Variants in RASSF9 observed in about 807,000 individuals in gnomAD.
RASSF9 encodes the protein Ras association domain family member 9.
RASSF9 carries 18 observed loss-of-function variants against 21.4 expected under a neutral mutation model. The observed-to-expected ratio is 0.84, with a 90% confidence interval of 0.58 to 1.25. The LOEUF is 1.25. Among genes scored for constraint, RASSF9 ranks in the 50% most tolerant of loss-of-function variants. The pLI is 0.00. For missense variants in RASSF9, 480 were observed against 503.2 expected (o/e 0.95, Z 0.44); for synonymous variants, 183 against 179.1 (o/e 1.02, Z -0.18).
intron 1 of RASSF9, among the ~76,000 whole-genome samples, chr12:85,832,245 A>C (rs1328855495): frequency 2.6e-5 from 4 of 151,860 alleles, no homozygotes; most frequent in East Asian, 3.8e-4. Flanking sequence ...AACTATTCTA[A>C]TTTCCTATTT....
chr12:85,825,216 T>C (rs1161004997), intron 1 of RASSF9, among the ~76,000 whole-genome samples: 1 of 152,214 alleles, frequency 6.6e-6, no homozygotes, highest in Non-Finnish European at 1.5e-5. Context: ...TTGATACTTC[T>C]ACAAAATCTA....
At position 85,805,666 on chromosome 12, in the gene RASSF9, AC is replaced by A. The variant is rs1879812492; in HGVS notation, c.343del (p.Val115LeufsTer19). On this transcript the variant is annotated frameshift_variant, in exon 2 of 2. Coordinates refer to ENST00000361228, the MANE Select transcript of RASSF9 (RefSeq NM_005447.4). LOFTEE classifies it high-confidence loss of function. Reference sequence around the variant, plus strand: ...AACTGGAAGAAAAGCATCTGCTTTAACCAAAACAAATTGCATATTGGGCTGC... The same window carrying A: ...AACTGGAAGAAAAGCATCTGCTTTAACAAAACAAATTGCATATTGGGCTGC... ...DEQPNMQFVL[V>X]KADAFLPVPL... 4 of 1,613,900 alleles carry A rather than the reference AC, an allele frequency of 2.5e-6. No homozygotes were observed. The highest frequency in any genetic ancestry group is 3.4e-6 in the Non-Finnish European group (4 of 1,179,902).
At chr12:85,833,958 CATT>C (rs1880507376) in intron 1 of RASSF9, among the ~76,000 whole-genome samples, 2 of 151,940 alleles carry the variant, frequency 1.3e-5, no homozygotes, top group African/African-American at 4.8e-5. Context: ...TTATTCAAAT[CATT>C]ATGGAAACTG....
intron 1 of RASSF9, among the ~76,000 whole-genome samples, chr12:85,806,316 C>T (rs1278205209): frequency 3.3e-5 from 5 of 150,750 alleles, no homozygotes; most frequent in African/African-American, 1.2e-4. Flanking sequence ...TCCCAAAGTG[C>T]TGGGATTACA....
intron 1 of RASSF9, among the ~76,000 whole-genome samples, chr12:85,828,878 G>A (rs1455911315): frequency 6.6e-6 from 1 of 152,102 alleles, no homozygotes; most frequent in Non-Finnish European, 1.5e-5. Context: ...ATATGAGAAG[G>A]TAGTTATTAC....
intron 1 of RASSF9, among the ~76,000 whole-genome samples, chr12:85,812,481 AT>A (rs1879974627): frequency 6.6e-6 from 1 of 151,142 alleles, no homozygotes; most frequent in Non-Finnish European, 1.5e-5. Flanking sequence ...GATGAGATTC[AT>A]TTGTAAATAT....
rs1879758357 is a variant in RASSF9 at position 85,804,044 on chromosome 12, T to C, written c.*658A>G. On this transcript the variant is annotated 3_prime_UTR_variant, in exon 2 of 2. Coordinates refer to ENST00000361228, the MANE Select transcript of RASSF9 (RefSeq NM_005447.4). ...CTCTTAATAAATTGAGGCTTCTTTA[T>C]AAAAATTGCTGTTTGTATGCAGCAC... is the stretch of plus-strand genomic sequence containing the variant. 6.6e-6 allele frequency: 1 copy of C among 152,228 alleles called. No homozygotes were observed. Among genetic ancestry groups the C allele is most frequent in the African/African-American group, 2.4e-5 (1 of 41,464 alleles). 9.4% of individuals were successfully genotyped at this position (152,228 alleles called of 1,614,324 possible).
At chr12:85,821,618 T>C (rs1880212520) in intron 1 of RASSF9, among the ~76,000 whole-genome samples, 1 of 152,168 alleles carries the variant, frequency 6.6e-6, no homozygotes, top group Non-Finnish European at 1.5e-5. Context: ...GAAAAAATTA[T>C]CTTGAAAATT....
At chr12:85,823,769 C>G (rs893825260) in intron 1 of RASSF9, among the ~76,000 whole-genome samples, 3 of 152,164 alleles carry the variant, frequency 2.0e-5, no homozygotes, top group Non-Finnish European at 2.9e-5. Flanking sequence ...CCATCGAAAT[C>G]AAGTTGCTCT....
In RASSF9 at chr12:85,805,821, C is replaced by T. The variant is rs374945809; in HGVS notation, c.189G>A (p.Thr63=). ...CCAGAAGAAATCGTTTCTCTCCAAACGTAGCCTCATGTTCCTCAAGCAAAG... is the reference window on the plus strand; with the variant it reads ...CCAGAAGAAATCGTTTCTCTCCAAATGTAGCCTCATGTTCCTCAAGCAAAG... The part of the protein sequence containing the change: ...IQALLEEHEA[T]FGEKRFLLGK... Residue 63 remains threonine, a synonymous_variant, in exon 2 of 2, where the codon ACG becomes ACA. Coordinates refer to ENST00000361228, the MANE Select transcript of RASSF9 (RefSeq NM_005447.4). 4.5e-5 allele frequency: 73 copies of T among 1,613,932 alleles called. No homozygotes were observed. The highest frequency in any genetic ancestry group is 6.0e-5 in the Non-Finnish European group (71 of 1,179,888).
At chr12:85,806,187 C>T (rs573498962) in intron 1 of RASSF9, among the ~76,000 whole-genome samples, 1 of 151,568 alleles carries the variant, frequency 6.6e-6, no homozygotes, top group South Asian at 2.1e-4. Context: ...GCTGGGACTA[C>T]AGGCACCTGC....
rs756971035 is a variant in RASSF9, at chr12:85,805,057, A to G, written c.953T>C (p.Val318Ala). 88 of 1,613,994 alleles carry G rather than the reference A, an allele frequency of 5.5e-5. No individual in the cohort carries two copies. Among genetic ancestry groups the G allele is most frequent in the Middle Eastern group, 1.6e-4 (1 of 6,062 alleles). ...SELESSNLES[V>A]KCDLEKSMKA... ...CATGCTTTTCTCCAAATCACACTTA[A>G]CACTCTCTAAATTAGAGCTTTCCAG... Residue 318 changes from valine (V) to alanine (A), a missense_variant, in exon 2 of 2, where the codon GTT (valine) becomes GCT (alanine). Transcript: ENST00000361228.
intron 1 of RASSF9, among the ~76,000 whole-genome samples, chr12:85,821,585 G>A (rs1428828727): frequency 6.6e-6 from 1 of 152,004 alleles, no homozygotes; most frequent in Non-Finnish European, 1.5e-5. Context: ...ACCTAGGACA[G>A]TCATCACTTA....
chr12:85,829,448 T>G (rs1195243990), intron 1 of RASSF9, among the ~76,000 whole-genome samples: 1 of 152,174 alleles, frequency 6.6e-6, no homozygotes, highest in Non-Finnish European at 1.5e-5. Context: ...AAAATTATTT[T>G]AAATACTTCC....
chr12:85,833,723 A>G (rs1880502497), intron 1 of RASSF9, among the ~76,000 whole-genome samples: 1 of 151,990 alleles, frequency 6.6e-6, no homozygotes, highest in African/African-American at 2.4e-5. Context: ...ATTATGCTCA[A>G]GTAGTTTTTT....
At chr12:85,823,953 C>T (rs1383141674) in intron 1 of RASSF9, among the ~76,000 whole-genome samples, 2 of 152,140 alleles carry the variant, frequency 1.3e-5, no homozygotes, top group African/African-American at 4.8e-5. Flanking sequence ...CAATTGGCAT[C>T]CCCTAGGTTT....
At chr12:85,827,741 G>A (rs1880363369) in intron 1 of RASSF9, among the ~76,000 whole-genome samples, 1 of 152,124 alleles carries the variant, frequency 6.6e-6, no homozygotes, top group Non-Finnish European at 1.5e-5. Flanking sequence ...CCACAAGCCT[G>A]ACATGCCTGA....
rs1371000829 is a variant in RASSF9, at chr12:85,805,746, C to T, written c.264G>A (p.Arg88=). The T allele has an allele frequency of 6.2e-7, 1 of 1,613,794 alleles. No homozygotes were observed. The highest frequency in any genetic ancestry group is 8.5e-7 in the Non-Finnish European group (1 of 1,179,822). The change falls in exon 2 of 2, where the codon AGG becomes AGA. Residue 88 remains arginine (R), a synonymous_variant. Transcript: ENST00000361228. ...CIIEKWRGSE[R]VLPPLTRILK... ...GGATTCTAGTTAGTGGAGGAAGAAC[C>T]CTTTCGGAGCCTCTCCACTTCTCTA... is the stretch of plus-strand genomic sequence containing the variant.
At chr12:85,816,156 G>C (rs746470097) in intron 1 of RASSF9, among the ~76,000 whole-genome samples, 26 of 152,054 alleles carry the variant, frequency 1.7e-4, no homozygotes, top group Non-Finnish European at 3.5e-4. Context: ...GCCTTTCAGA[G>C]GGTAGAGAGT....
Sources: gnomAD v4.1 joint callset for allele counts (sites outside exome capture counted in the v4.1 genomes callset) on GRCh38, gnomAD v4.1.1 for gene constraint, MANE v1.5 for transcripts, NCBI Gene and HGNC (gene_info 2026-07-23, HGNC 2026-07-21) for gene names.